ADSL: variants seen among roughly 807,000 people sequenced by gnomAD.
ADSL encodes adenylosuccinate lyase, also known as adenylosuccinase.
ADSL carries 44 observed loss-of-function variants against 62.1 expected under a neutral mutation model. The ratio of observed to expected loss-of-function variants is 0.71; its 90% CI spans 0.56 to 0.91. ADSL has a LOEUF of 0.91. ADSL is among the 40% of genes least tolerant of loss of function. The pLI is 0.00. For synonymous variants in ADSL, 198 were observed against 220.5 expected, an observed-to-expected ratio of 0.90 and a Z score of 0.90; for missense variants, 531 against 627.4, an observed-to-expected ratio of 0.85 and a Z score of 1.64.
chr22:40,352,959 TG>T, intron 2 of ADSL, 113 bp from the exon 3 acceptor site: 1 of 787,540 alleles, frequency 1.3e-6, no homozygotes, highest in Non-Finnish European at 2.3e-6. Context: ...GGGTTGGTAG[TG>T]GTGATATAGG....
In ADSL at chr22:40,359,024, G is replaced by A. The variant is rs1231929479; in HGVS notation, c.643G>A (p.Asp215Asn). 1 of 1,614,056 alleles carries A rather than the reference G, an allele frequency of 6.2e-7. No individual in the cohort carries two copies. The highest frequency in any genetic ancestry group is 8.5e-7 in the Non-Finnish European group (1 of 1,180,040). ...QASFLQLFEGDDHKVEQLDKM... is the reference protein window; with the variant it reads ...QASFLQLFEGNDHKVEQLDKM... ...CAGTTTCCTGCAGCTCTTTGAGGGA[G>A]ATGACCATAAGGTATTCTGAAAGTG... Residue 215 changes from aspartate (D) to asparagine (N), a missense_variant, in exon 5 of 13, where the codon GAT becomes AAT. Transcript: ENST00000623063.
chr22:40,361,560 T>C lies in ADSL; in HGVS notation c.935T>C (p.Met312Thr). 6.2e-7 allele frequency: 1 copy of C among 1,614,256 alleles called. No individual in the cohort carries two copies. Among genetic ancestry groups the C allele is most frequent in the African/African-American group, 1.3e-5 (1 of 75,068 alleles). Residue 312 changes from methionine (M) to threonine (T), a missense_variant, in exon 9 of 13, where the codon ATG (methionine) becomes ACG (threonine). By Grantham distance (81) the Met-to-Thr change is moderately conservative (BLOSUM62 -1). Around this residue, in one of 2 missense-constraint regions of ADSL, gnomAD observed 471 missense variants for 592.9 expected, o/e 0.79. Coordinates refer to ENST00000623063, the MANE Select transcript of ADSL (RefSeq NM_000026.4). ...TGCTGCAGTCTTGCCCGCCACCTGA[T>C]GACCCTTGTCATGGACCCGCTACAG... ...ERCCSLARHL[M>T]TLVMDPLQTA...
At chr22:40,371,961 A>G (rs902999438), downstream of ADSL, among the ~76,000 whole-genome samples, 1 of 152,058 alleles carries the variant, frequency 6.6e-6, no homozygotes, top group Non-Finnish European at 1.5e-5. Flanking sequence ...GGGCCTCCCA[A>G]AGTGCTGGGA....
intron 2 of ADSL, chr22:40,387,486 G>A (rs1203925609): frequency 6.2e-6 from 2 of 324,254 alleles, no homozygotes; most frequent in Non-Finnish European, 1.1e-5. Context: ...CTCCTCTTAG[G>A]TGCCCTAATC....
At chr22:40,347,881 T>C (rs2044202259) in intron 1 of ADSL, among the ~76,000 whole-genome samples, 1 of 152,172 alleles carries the variant, frequency 6.6e-6, no homozygotes, top group South Asian at 2.1e-4. Flanking sequence ...TAATCATGTG[T>C]TGTGGTTTGT....
intron 3 of ADSL, 167 bp downstream of exon 3, chr22:40,353,284 C>G (rs575578307): frequency 2.1e-5 from 15 of 711,122 alleles, no homozygotes; most frequent in African/African-American, 1.7e-4. Context: ...TTCTTCTTCT[C>G]CTTTCTTCTT....
At chr22:40,351,361 A>G (rs2044340476) in intron 2 of ADSL, among the ~76,000 whole-genome samples, 1 of 151,670 alleles carries the variant, frequency 6.6e-6, no homozygotes, top group Admixed American at 6.6e-5. Context: ...TAGTAGAGAC[A>G]GGGTTTCACT....
At chr22:40,356,150 C>A (rs1391906980) in intron 4 of ADSL, among the ~76,000 whole-genome samples, 1 of 150,204 alleles carries the variant, frequency 6.7e-6, no homozygotes, top group Non-Finnish European at 1.5e-5. Context: ...TGTAGTGAGC[C>A]AAGATTGCAC....
intron 4 of ADSL, among the ~76,000 whole-genome samples, chr22:40,356,135 G>C (rs2044545721): frequency 6.6e-6 from 1 of 151,816 alleles, no homozygotes; most frequent in Admixed American, 6.6e-5. Context: ...CTGGGAGGCG[G>C]AGGTTGTAGT....
chr22:40,379,577 G>C (rs965554237), intron 2 of ADSL: 1 of 152,170 alleles, frequency 6.6e-6, no homozygotes, highest in East Asian at 1.9e-4. Flanking sequence ...GTTCAGGCCC[G>C]TGCAGTGCCT....
chr22:40,352,667 G>T (rs571620289), intron 2 of ADSL, among the ~76,000 whole-genome samples: 1 of 152,226 alleles, frequency 6.6e-6, no homozygotes, highest in Admixed American at 6.5e-5. Flanking sequence ...TCTTAATTGA[G>T]AATTTTTTTA....
intron 2 of ADSL, chr22:40,379,439 G>A (rs2146785090): frequency 6.6e-6 from 1 of 152,340 alleles, no homozygotes; most frequent in African/African-American, 2.4e-5. Context: ...AGAAGTCTGA[G>A]ATCACCTCTT....
Position 40,346,697 on chromosome 22 carries a change from G to T in ADSL, c.139G>T (p.Ala47Ser). The T allele has an allele frequency of 1.2e-5, 19 of 1,608,784 alleles. No homozygotes were observed. Among genetic ancestry groups the T allele is most frequent in the Non-Finnish European group, 1.5e-5 (18 of 1,178,920 alleles). The stretch of plus-strand genomic sequence containing the variant: ...ATGGCGGCAGCTGTGGCTGTGGCTG[G>T]CGGAGGCCGAGCAGGTAACGGATCC... ...RTWRQLWLWL[A>S]EAEQTLGLPI... is the part of the protein sequence containing the mutation. The change falls in exon 1 of 13, where the codon GCG (alanine) becomes TCG (serine). Residue 47 changes from alanine to serine, a missense_variant. Ala to Ser is a moderately conservative substitution (Grantham distance 99, BLOSUM62 1). Around this residue, in one of 2 missense-constraint regions of ADSL, gnomAD observed 471 missense variants for 592.9 expected, o/e 0.79. Transcript: ENST00000623063.
intron 3 of ADSL, chr22:40,353,685 GCA>G: frequency 3.3e-6 from 1 of 304,268 alleles, no homozygotes. Context: ...GAGTGCAGTG[GCA>G]CAGTCTCAGC....
intron 12 of ADSL, 74 bp from the exon 13 acceptor site, chr22:40,366,362 C>G: frequency 8.9e-7 from 1 of 1,117,336 alleles, no homozygotes; most frequent in Non-Finnish European, 1.4e-6. Context: ...GTGGTATCCC[C>G]TGACATTGGA....
chr22:40,349,565 G>A (rs1263577593), intron 1 of ADSL, among the ~76,000 whole-genome samples: 1 of 151,844 alleles, frequency 6.6e-6, no homozygotes, highest in African/African-American at 2.4e-5. Context: ...AGTAGAGACA[G>A]GGTTTCACCG....
At chr22:40,359,469 C>T (rs1278988618) in intron 6 of ADSL, among the ~76,000 whole-genome samples, 163 bp downstream of exon 6, 115 of 113,938 alleles carry the variant, frequency 1.0e-3, no homozygotes, top group Non-Finnish European at 1.8e-3. Context: ...TTCTTACTAT[C>T]TGGATTCTTT....
At chr22:40,359,422 C>CT in intron 6 of ADSL, 116 bp downstream of exon 6, 21 of 924,036 alleles carry the variant, frequency 2.3e-5, no homozygotes, top group Admixed American at 1.7e-4. Context: ...TTCTTCTACC[C>CT]ATTTTTTTTT....
intron 2 of ADSL, 50 bp from the exon 3 acceptor site, chr22:40,353,023 T>C (rs2044408032): frequency 2.6e-6 from 4 of 1,530,428 alleles, no homozygotes; most frequent in Non-Finnish European, 3.6e-6. Context: ...TGTAATAATA[T>C]TGTTTGAGCA....
Sources: gnomAD v4.1 joint callset for allele counts (sites outside exome capture counted in the v4.1 genomes callset) on GRCh38, gnomAD v4.1.1 for gene constraint, gnomAD v4.1.1 regional missense constraint, MANE v1.5 for transcripts, NCBI Gene and HGNC (gene_info 2026-07-23, HGNC 2026-07-21) for gene names.